The following EFNA5 variants were observed in gnomAD, a reference collection of about 807,000 sequenced individuals.
EFNA5 encodes the protein ephrin-A5.
A neutral mutation model predicts 22.9 loss-of-function variants in EFNA5; 5 were observed. The ratio of observed to expected loss-of-function variants is 0.22; its 90% CI spans 0.11 to 0.46. EFNA5 has a LOEUF of 0.46. EFNA5 is among the 20% of genes least tolerant of loss of function. The pLI, the probability that EFNA5 is intolerant of heterozygous loss-of-function variation, is 0.99. For synonymous variants in EFNA5, 113 were observed against 112.2 expected, an observed-to-expected ratio of 1.01 and a Z score of -0.04; for missense variants, 237 against 293.3, an observed-to-expected ratio of 0.81 and a Z score of 1.40.
chr5:107,567,911 T>C (rs372543323), intron 1 of EFNA5, among the ~76,000 whole-genome samples: 2 of 152,316 alleles, frequency 1.3e-5, no homozygotes, highest in South Asian at 2.1e-4. Flanking sequence ...TTTATTTTCT[T>C]ACAGTCAGGG....
At chr5:107,644,440 G>A (rs1750588766) in intron 1 of EFNA5, among the ~76,000 whole-genome samples, 1 of 152,082 alleles carries the variant, frequency 6.6e-6, no homozygotes, top group African/African-American at 2.4e-5. Context: ...ACAAAACATG[G>A]TCTATCGGAA....
intron 1 of EFNA5, among the ~76,000 whole-genome samples, chr5:107,580,114 T>A (rs936642970): frequency 6.6e-6 from 1 of 152,186 alleles, no homozygotes; most frequent in African/African-American, 2.4e-5. Flanking sequence ...CAAGTCTATA[T>A]AGCTGCACAC....
At chr5:107,588,552 T>C (rs1749243946) in intron 1 of EFNA5, among the ~76,000 whole-genome samples, 1 of 152,230 alleles carries the variant, frequency 6.6e-6, no homozygotes, top group Non-Finnish European at 1.5e-5. Context: ...AACTATATAT[T>C]ACGTGCATAC....
chr5:107,501,822 C>T (rs181296086), intron 1 of EFNA5, among the ~76,000 whole-genome samples: 217 of 152,198 alleles, frequency 1.4e-3, no homozygotes, highest in African/African-American at 4.8e-3. Context: ...CTTTAATTCA[C>T]GCCATTAAAC....
chr5:107,414,156 A>G (rs1053476415), intron 2 of EFNA5, among the ~76,000 whole-genome samples: 2 of 152,210 alleles, frequency 1.3e-5, no homozygotes, highest in Non-Finnish European at 2.9e-5. Context: ...AACCTCATAA[A>G]GTTGAACGAA....
At chr5:107,621,381 G>A (rs1006754033) in intron 1 of EFNA5, among the ~76,000 whole-genome samples, 2 of 152,218 alleles carry the variant, frequency 1.3e-5, no homozygotes, top group East Asian at 3.9e-4. Flanking sequence ...ATTCTTCACA[G>A]TAGGGATGGG....
chr5:107,494,578 G>T (rs181522284), intron 1 of EFNA5, among the ~76,000 whole-genome samples: 1 of 152,250 alleles, frequency 6.6e-6, no homozygotes, highest in African/African-American at 2.4e-5. Flanking sequence ...GCTGAGGAGT[G>T]CAGGCACACG....
Position 107,379,982 on chromosome 5 carries a change from C to T in EFNA5, c.*1273G>A, listed in dbSNP as rs1036821194. On this transcript the variant is annotated 3_prime_UTR_variant, in exon 5 of 5. Coordinates refer to ENST00000333274, the MANE Select transcript of EFNA5 (RefSeq NM_001962.3). ...CACAGATAAACACATGTTCCCCCTA[C>T]GCTTTAGGCTGTGTCAGAAAGGGAA... 3 of 152,132 alleles carry T rather than the reference C, an allele frequency of 2.0e-5. No individual in the cohort carries two copies. The highest frequency in any genetic ancestry group is 1.9e-4 in the East Asian group (1 of 5,198). 9.4% of individuals were successfully genotyped at this position (152,132 alleles called of 1,614,324 possible).
intron 1 of EFNA5, among the ~76,000 whole-genome samples, chr5:107,645,030 G>C (rs1251107744): frequency 1.3e-5 from 2 of 152,106 alleles, no homozygotes; most frequent in East Asian, 3.9e-4. Flanking sequence ...TAAGTTCTGG[G>C]ATACATGTGT....
chr5:107,587,369 A>C (rs1749211238), intron 1 of EFNA5, among the ~76,000 whole-genome samples: 1 of 152,182 alleles, frequency 6.6e-6, no homozygotes, highest in Non-Finnish European at 1.5e-5. Flanking sequence ...TATGCTGGGA[A>C]AAAAAGGAGA....
intron 1 of EFNA5, among the ~76,000 whole-genome samples, chr5:107,610,791 A>C (rs552610954): frequency 6.6e-6 from 1 of 152,126 alleles, no homozygotes; most frequent in Non-Finnish European, 1.5e-5. Flanking sequence ...TCTCCCTGGC[A>C]CTTTTTCTAG....
chr5:107,646,859 C>T (rs10074258), intron 1 of EFNA5, among the ~76,000 whole-genome samples: 53,550 of 151,822 alleles, frequency 0.35, 9,958 homozygotes, highest in South Asian at 0.54. Flanking sequence ...TGGGATTTTC[C>T]TGTATGAGAA....
At chr5:107,475,283 C>T (rs1489457178) in intron 1 of EFNA5, among the ~76,000 whole-genome samples, 8 of 152,230 alleles carry the variant, frequency 5.3e-5, no homozygotes, top group African/African-American at 1.9e-4. Context: ...CAACCCCACC[C>T]TTGTGAGATG....
chr5:107,384,719 C>A (rs2112485232), intron 4 of EFNA5, among the ~76,000 whole-genome samples: 1 of 150,996 alleles, frequency 6.6e-6, no homozygotes, highest in Middle Eastern at 3.5e-3. Flanking sequence ...TTAAGCAATC[C>A]TCCCACTTCA....
At chr5:107,395,560 A>C (rs1299309923) in intron 2 of EFNA5, among the ~76,000 whole-genome samples, 1 of 152,234 alleles carries the variant, frequency 6.6e-6, no homozygotes, top group Non-Finnish European at 1.5e-5. Flanking sequence ...TTAAAAATCA[A>C]TGAACATCTT....
At chr5:107,494,504 G>T (rs1355700067) in intron 1 of EFNA5, among the ~76,000 whole-genome samples, 1 of 152,186 alleles carries the variant, frequency 6.6e-6, no homozygotes, top group African/African-American at 2.4e-5. Context: ...GGGACCTGCA[G>T]CCCGCCATAC....
At chr5:107,427,045 A>C in intron 2 of EFNA5, 172 bp downstream of exon 2, 2 of 689,946 alleles carry the variant, frequency 2.9e-6, no homozygotes, top group Admixed American at 5.3e-5. Context: ...TCTTTAATCT[A>C]ATTTGTGCTC....
intron 1 of EFNA5, among the ~76,000 whole-genome samples, chr5:107,542,513 A>C (rs1210233663): frequency 7.1e-6 from 1 of 141,508 alleles, no homozygotes; most frequent in African/African-American, 2.6e-5. Flanking sequence ...CTGCTCATAA[A>C]CTTCCCACTT....
At chr5:107,518,866 G>A (rs977982485) in intron 1 of EFNA5, among the ~76,000 whole-genome samples, 3 of 152,060 alleles carry the variant, frequency 2.0e-5, no homozygotes, top group African/African-American at 7.2e-5. Context: ...GAAACTCAAT[G>A]GAAAGTATTT....
Sources: gnomAD v4.1 joint callset for allele counts (sites outside exome capture counted in the v4.1 genomes callset) on GRCh38, gnomAD v4.1.1 for gene constraint, MANE v1.5 for transcripts, NCBI Gene and HGNC (gene_info 2026-07-23, HGNC 2026-07-21) for gene names.